Variants in ATM observed in about 807,000 individuals in gnomAD.
ATM encodes serine-protein kinase ATM.
A neutral mutation model predicts 387.0 loss-of-function variants in ATM; 308 were observed. The ratio of observed to expected loss-of-function variants is 0.80; its 90% confidence interval spans 0.73 to 0.87. ATM has a LOEUF of 0.87. Among genes scored for constraint, ATM ranks in the 40% least tolerant of loss-of-function variants. The probability of loss-of-function intolerance (pLI) is 0.00; values close to 1 mark genes in which losing one functional copy is unlikely to be tolerated. For missense variants in ATM, 3,312 were observed against 3,560.9 expected (o/e 0.93, Z 1.78); for synonymous variants, 1,156 against 1,187.3 (o/e 0.97, Z 0.54).
At chr11:108,245,084 A>G in intron 7 of ATM, 58 bp downstream of exon 7, 1 of 1,376,012 alleles carries the variant, frequency 7.3e-7, no homozygotes, top group Non-Finnish European at 1.0e-6. Context: ...ATAGAAGTCT[A>G]AGTATAAAAT....
chr11:108,235,612 C>T (rs2135119259), intron 4 of ATM, 58 bp from the exon 5 acceptor site: 5 of 1,417,504 alleles, frequency 3.5e-6, no homozygotes, highest in Non-Finnish European at 3.9e-6. Flanking sequence ...GTTGCCATTC[C>T]AAGTGTCTTA....
chr11:108,302,393 G>A (rs2083475842), intron 35 of ATM, among the ~76,000 whole-genome samples: 1 of 152,216 alleles, frequency 6.6e-6, no homozygotes, highest in African/African-American at 2.4e-5. Flanking sequence ...CATTGAAGCA[G>A]TACTTTCAGT....
In ATM at chr11:108,297,357, C is replaced by T. The variant is rs144338238; in HGVS notation, c.4980C>T (p.Asn1660=). The stretch of plus-strand genomic sequence containing the variant: ...TGCAGTTATCCAAGATGGCAATAAA[C>T]CACACTGGTGAAAAAGAAGTTCTAG... ...NLLQLSKMAI[N]HTGEKEVLEA... The change falls in exon 33 of 63, where the codon AAC becomes AAT. Residue 1660 remains asparagine, a synonymous_variant. Transcript: ENST00000675843. 3.8e-4 allele frequency: 619 copies of T among 1,613,854 alleles called. No homozygotes were observed. The highest frequency in any genetic ancestry group is 4.8e-4 in the Non-Finnish European group (567 of 1,179,938).
rs1591588785 is a variant in ATM, at chr11:108,267,329, C to T, written c.2625C>T (p.Ser875=). ...GTGATGCAAACGAACCTGGAGAGAG[C>T]CAAAGTACCATAGGTAAATACATAT... ...SVSDANEPGE[S]QSTIGAINPL... Residue 875 remains serine (S), a synonymous_variant, in exon 17 of 63, where the codon AGC becomes AGT. Transcript: ENST00000675843. 6.2e-7 allele frequency: 1 copy of T among 1,613,806 alleles called. No individual in the cohort carries two copies. Among genetic ancestry groups the T allele is most frequent in the Non-Finnish European group, 8.5e-7 (1 of 1,179,822 alleles).
rs1271923660 is a variant in ATM at position 108,358,599 on chromosome 11, G to A, written c.8850+3725G>A. 6.3e-3 allele frequency among the ~76,000 whole-genome samples: 784 copies of A among 124,668 alleles called. 13 individuals are homozygous for A. The highest frequency in any genetic ancestry group is 0.022 in the African/African-American group (715 of 32,678). 81.8% of individuals were successfully genotyped at this position (124,668 alleles called of 152,430 possible). On this transcript the variant is annotated intron_variant, in intron 61 of 62. Transcript: ENST00000675843. Reference sequence around the variant, plus strand: ...CCATCAGACTAACAGCAGATCTCTCGGCAGAAACCCTACAAGCCAGAAGAG... The same window carrying A: ...CCATCAGACTAACAGCAGATCTCTCAGCAGAAACCCTACAAGCCAGAAGAG...
In ATM at chr11:108,310,017, G is replaced by C. The variant is rs546289955; in HGVS notation, c.5763-143G>C. The C allele has an allele frequency of 4.0e-6, 3 of 758,418 alleles. No individual in the cohort carries two copies. In the South Asian group the frequency reaches 5.4e-5, roughly 14 times the overall value. The allele number at this position is 758,418 out of a possible 1,614,324, so 47.0% of individuals were successfully genotyped here. A position where few individuals can be genotyped will look rare whatever the true frequency, so the allele number is the denominator to read the frequency against. Reference sequence around the variant, plus strand: ...GCCATGTTATCTTATAATGTTTATAGGTATATATTGGGGAAATGTGGTTTT... The same window carrying C: ...GCCATGTTATCTTATAATGTTTATACGTATATATTGGGGAAATGTGGTTTT... On this transcript the variant is annotated intron_variant, in intron 38 of 62. Transcript: ENST00000675843.
chr11:108,318,576 G>C (rs1179435022), intron 43 of ATM, among the ~76,000 whole-genome samples: 1 of 151,614 alleles, frequency 6.6e-6, no homozygotes, highest in Non-Finnish European at 1.5e-5. Context: ...TGTAATCCAA[G>C]CTACTCGGGA....
intron 3 of ATM, 42 bp from the exon 4 acceptor site, chr11:108,229,136 G>T (rs150747015): frequency 3.2e-6 from 5 of 1,573,266 alleles, no homozygotes; most frequent in Non-Finnish European, 4.3e-6. Context: ...TATAATTTAA[G>T]TATTCAACGA....
At chr11:108,301,505 A>T (rs1433196286) in intron 34 of ATM, 143 bp from the exon 35 acceptor site, 4 of 982,140 alleles carry the variant, frequency 4.1e-6, no homozygotes, top group South Asian at 1.5e-5. Context: ...TGATACTTTT[A>T]TTTGATATTG....
Position 108,336,122 on chromosome 11 carries a change from C to A in ATM, c.8268+161C>A, listed in dbSNP as rs1299922090. 3 of 589,214 alleles carry A rather than the reference C, an allele frequency of 5.1e-6. No individual in the cohort carries two copies. In the East Asian group the frequency reaches 8.7e-5, roughly 17 times the overall value. 36.5% of individuals were successfully genotyped at this position (589,214 alleles called of 1,614,324 possible). A position where few individuals can be genotyped will look rare whatever the true frequency, so the allele number is the denominator to read the frequency against. On this transcript the variant is annotated intron_variant, in intron 56 of 62. Transcript: ENST00000675843. The stretch of plus-strand genomic sequence containing the variant: ...GACCAGCCTCAGCAACATAGTGAGA[C>A]CCCATCTTGACAAAAAGTTAAAAAA...
Position 108,343,201 on chromosome 11 carries a change from GTATT to G in ATM, c.8269-18_8269-15del, listed in dbSNP as rs1064794684. On this transcript the variant is annotated splice_polypyrimidine_tract_variant and intron_variant, in intron 56 of 62. Coordinates refer to ENST00000675843, the MANE Select transcript of ATM (RefSeq NM_000051.4). ...TTTAATGGCCTTTTAAAATTAAAAGGTATTTAATCTGTAACTCCAGGTGGTTCCC... is the reference window on the plus strand; with the variant it reads ...TTTAATGGCCTTTTAAAATTAAAAGGTAATCTGTAACTCCAGGTGGTTCCC... The G allele has an allele frequency of 1.9e-6, 3 of 1,613,410 alleles. No individual in the cohort carries two copies. In the African/African-American group the frequency reaches 4.0e-5, roughly 22 times the overall value.
intron 4 of ATM, among the ~76,000 whole-genome samples, chr11:108,232,614 A>G (rs981544842): frequency 8.0e-6 from 1 of 125,708 alleles, no homozygotes; most frequent in Non-Finnish European, 1.5e-5. Context: ...GTCTTGGCTC[A>G]CTGCAGCCTC....
At chr11:108,266,816 CAG>C (rs946556563) in intron 16 of ATM, among the ~76,000 whole-genome samples, 10 of 123,204 alleles carry the variant, frequency 8.1e-5, no homozygotes, top group Admixed American at 6.6e-4. Flanking sequence ...TTTTTTGAGA[CAG>C]AGTCTCGCTT....
In ATM at chr11:108,365,179, C is replaced by A. The variant is rs1472935232; in HGVS notation, c.8948C>A (p.Thr2983Asn). The change falls in exon 62 of 63, where the codon ACT (threonine) becomes AAT (asparagine). Residue 2983 changes from threonine (T) to asparagine (N), a missense_variant. Physicochemically the swap from Thr to Asn is moderately conservative, Grantham distance 65. Transcript: ENST00000675843. ...GAAGATGAAACTGAGCTTCACCCTA[C>A]TCTGAATGCAGATGACCAAGAATGC... Reference protein sequence around the residue: ...RPEDETELHPTLNADDQECKR... With the variant: ...RPEDETELHPNLNADDQECKR... 1.2e-6 allele frequency: 2 copies of A among 1,614,098 alleles called. No homozygotes were observed. Among genetic ancestry groups the A allele is most frequent in the African/African-American group, 1.3e-5 (1 of 74,932 alleles).
At chr11:108,330,074 C>G (rs1751069079) in intron 49 of ATM, 140 bp from the exon 50 acceptor site, 1 of 859,032 alleles carries the variant, frequency 1.2e-6, no homozygotes, top group Non-Finnish European at 1.8e-6. Context: ...AGTTTATTCC[C>G]TTTATAATCC....
rs750946891 is a variant in ATM at position 108,246,930 on chromosome 11, C to G, written c.902-34C>G. The stretch of plus-strand genomic sequence containing the variant: ...GCTAGCAGTGTAAACAGAGTACATA[C>G]ATAAAAATTACATTTTAATTTTTTG... On this transcript the variant is annotated intron_variant, in intron 7 of 62. Transcript: ENST00000675843. 4.5e-6 allele frequency: 7 copies of G among 1,547,140 alleles called. No individual in the cohort carries two copies. In the African/African-American group the frequency reaches 8.2e-5, roughly 18 times the overall value.
intron 23 of ATM, among the ~76,000 whole-genome samples, chr11:108,280,136 A>C (rs1481532123): frequency 6.6e-6 from 1 of 152,198 alleles, no homozygotes; most frequent in East Asian, 1.9e-4. Flanking sequence ...AATAACTGTC[A>C]AGTCTGTGAT....
intron 5 of ATM, among the ~76,000 whole-genome samples, chr11:108,241,417 T>A (rs1325831597): frequency 6.6e-6 from 1 of 152,260 alleles, no homozygotes; most frequent in African/African-American, 2.4e-5. Context: ...GTACTATACA[T>A]GATTGTATGT....
At chr11:108,231,560 G>GT (rs2135068689) in intron 4 of ATM, 1 of 152,230 alleles carries the variant, frequency 6.6e-6, no homozygotes, top group South Asian at 2.1e-4. Flanking sequence ...GCTGGGTGTG[G>GT]TGGCGGGTGC....
Sources: gnomAD v4.1 joint callset for allele counts (sites outside exome capture counted in the v4.1 genomes callset) on GRCh38, gnomAD v4.1.1 for gene constraint, MANE v1.5 for transcripts, NCBI Gene and HGNC (gene_info 2026-07-23, HGNC 2026-07-21) for gene names.